Variants in CCDC175 observed in about 807,000 individuals in gnomAD.
CCDC175 encodes the protein coiled-coil domain containing 175, also known as coiled-coil domain-containing protein 175.
Under a neutral mutation model 114.6 loss-of-function variants are expected in CCDC175, and 100 were observed. The ratio of observed to expected loss-of-function variants is 0.87; its 90% CI spans 0.74 to 1.03. The LOEUF (loss-of-function observed/expected upper bound fraction) is 1.03. Among genes scored for constraint, CCDC175 ranks in the 50% least tolerant of loss-of-function variants. The pLI is 0.00. For missense variants in CCDC175, 880 were observed against 917.8 expected (o/e 0.96, Z 0.53); for synonymous variants, 306 against 308.7 (o/e 0.99, Z 0.09).
chr14:59,571,618 G>A (rs1896854958), intron 3 of CCDC175, among the ~76,000 whole-genome samples: 1 of 152,166 alleles, frequency 6.6e-6, no homozygotes. Flanking sequence ...AAAAAATCTG[G>A]AAAATAACAA....
In CCDC175 at chr14:59,508,423, C is replaced by CACACACACACACACACACACACACAT. The variant is rs1244962098; in HGVS notation, c.2305+2222_2305+2223insATGTGTGTGTGTGTGTGTGTGTGTGT. 5.5e-4 allele frequency among the ~76,000 whole-genome samples: 83 copies of CACACACACACACACACACACACACAT among 150,554 alleles called. 3 individuals carry two copies. The South Asian group carries it at 9.7e-3, about 18-fold the overall frequency. On this transcript the variant is annotated intron_variant, in intron 19 of 19. Coordinates refer to ENST00000537690, the MANE Select transcript of CCDC175 (RefSeq NM_001164399.2). ...ATACACACACACACACACACACACACACACACACACACACTGCAGCCAGGC... is the reference window on the plus strand; with the variant it reads ...ATACACACACACACACACACACACACACACACACACACACACACACACACATACACACACACACACTGCAGCCAGGC...
In CCDC175 at chr14:59,551,438, T is replaced by C; in HGVS notation, c.954-2A>G. ...TCTTTGTTATCTGTGAAAAAACACCTATGAACAAAGGAAGCCAAACAGATT... is the reference window on the plus strand; with the variant it reads ...TCTTTGTTATCTGTGAAAAAACACCCATGAACAAAGGAAGCCAAACAGATT... On this transcript the variant is annotated splice_acceptor_variant, in intron 7 of 19. Coordinates refer to ENST00000537690, the MANE Select transcript of CCDC175 (RefSeq NM_001164399.2). LOFTEE classifies it high-confidence loss of function. 1 of 1,403,024 alleles carries C rather than the reference T, an allele frequency of 7.1e-7. No individual in the cohort carries two copies. The highest frequency in any genetic ancestry group is 9.5e-7 in the Non-Finnish European group (1 of 1,055,962). The allele number at this position is 1,403,024 out of a possible 1,614,324, so 86.9% of individuals were successfully genotyped here.
At chr14:59,531,377 T>C (rs1210440226) in intron 14 of CCDC175, among the ~76,000 whole-genome samples, 1 of 152,076 alleles carries the variant, frequency 6.6e-6, no homozygotes, top group Admixed American at 6.6e-5. Flanking sequence ...GAGGAGTGCT[T>C]ACTCAATAAA....
chr14:59,568,321 T>C lies in CCDC175; in HGVS notation c.415A>G (p.Ile139Val), dbSNP rs1896669838. ...LFEINTIKMR[I>V]TRTENEIELL... ...TCTATTTCATTCTCTGTCCTTGTAA[T>C]TCTCATTTTTATTGTATTTATCTCA... The change falls in exon 4 of 20, where the codon ATT becomes GTT. Residue 139 changes from isoleucine (I) to valine (V), a missense_variant. Ile to Val is a conservative substitution (Grantham distance 29, BLOSUM62 3). Transcript: ENST00000537690. 4 of 1,533,330 alleles carry C rather than the reference T, an allele frequency of 2.6e-6. No homozygotes were observed. The highest frequency in any genetic ancestry group is 2.0e-5 in the Admixed American group (1 of 50,248). The allele number at this position is 1,533,330 out of a possible 1,614,324, so 95.0% of individuals were successfully genotyped here.
intron 11 of CCDC175, among the ~76,000 whole-genome samples, chr14:59,539,546 C>T (rs553816332): frequency 2.0e-5 from 3 of 150,138 alleles, no homozygotes; most frequent in East Asian, 2.0e-4. Flanking sequence ...TGCCATTGCA[C>T]TCTATCCTGG....
chr14:59,568,502 T>C (rs2140123604), intron 3 of CCDC175, 122 bp from the exon 4 acceptor site: 1 of 759,796 alleles, frequency 1.3e-6, no homozygotes, highest in South Asian at 2.1e-5. Flanking sequence ...ATCAAGCATT[T>C]CTTACTCCCT....
intron 3 of CCDC175, among the ~76,000 whole-genome samples, chr14:59,570,400 A>T (rs1394206024): frequency 6.6e-6 from 1 of 152,136 alleles, no homozygotes; most frequent in Non-Finnish European, 1.5e-5. Context: ...CTTATCACAA[A>T]GTAGAGGCAA....
At chr14:59,555,624 G>T in intron 7 of CCDC175, among the ~76,000 whole-genome samples, 1 of 152,124 alleles carries the variant, frequency 6.6e-6, no homozygotes, top group African/African-American at 2.4e-5. Context: ...GGGCAATCAG[G>T]CAGGAGAAAG....
chr14:59,551,459 A>G (rs568338915), intron 7 of CCDC175, 23 bp from the exon 8 acceptor site: 4 of 1,224,610 alleles, frequency 3.3e-6, no homozygotes, highest in African/African-American at 3.1e-5. Context: ...GAAGCCAAAC[A>G]GATTCATATA....
chr14:59,546,593 A>G (rs1214612886), intron 8 of CCDC175, among the ~76,000 whole-genome samples: 1 of 152,148 alleles, frequency 6.6e-6, no homozygotes, highest in African/African-American at 2.4e-5. Flanking sequence ...CATAGAAGAA[A>G]CCACTTGAAA....
intron 19 of CCDC175, 102 bp from the exon 20 acceptor site, chr14:59,505,417 A>AT: frequency 1.1e-5 from 6 of 529,168 alleles, no homozygotes; most frequent in Non-Finnish European, 1.6e-5. Flanking sequence ...AGAATCCTCA[A>AT]TTGAGTAATT....
At chr14:59,551,150 C>T (rs1895449080) in intron 8 of CCDC175, 4 of 356,684 alleles carry the variant, frequency 1.1e-5, no homozygotes, top group Non-Finnish European at 2.0e-5. Flanking sequence ...AAAAACAGTT[C>T]CTCTGTACAT....
chr14:59,547,397 A>C (rs560687807), intron 8 of CCDC175, among the ~76,000 whole-genome samples: 17 of 152,352 alleles, frequency 1.1e-4, no homozygotes, highest in African/African-American at 4.1e-4. Flanking sequence ...GGTCAAGAAT[A>C]GCTGGAACAC....
intron 11 of CCDC175, among the ~76,000 whole-genome samples, chr14:59,539,155 G>A (rs1894603802): frequency 6.6e-6 from 1 of 152,174 alleles, no homozygotes; most frequent in South Asian, 2.1e-4. Context: ...GGAAAATGAG[G>A]CCCAGGCAGA....
rs182932162 is a variant in CCDC175 at position 59,526,103 on chromosome 14, A to T, written c.1843-669T>A. Among the ~76,000 whole-genome samples, 1,151 of 152,174 alleles carry T rather than the reference A, an allele frequency of 7.6e-3. 14 individuals carry two copies. Among genetic ancestry groups the T allele is most frequent in the African/African-American group, 0.026 (1,089 of 41,500 alleles). On this transcript the variant is annotated intron_variant, in intron 15 of 19. Coordinates refer to ENST00000537690, the MANE Select transcript of CCDC175 (RefSeq NM_001164399.2). ...TCTTGAAGAAAGAAGAAGATTATGA[A>T]TTTTTTCAGAATTCTCTAATGTTTT... is the stretch of plus-strand genomic sequence containing the variant.
intron 1 of CCDC175, 49 bp from the exon 2 acceptor site, chr14:59,575,077 C>T (rs1282356426): frequency 9.7e-7 from 1 of 1,035,284 alleles, no homozygotes; most frequent in Admixed American, 2.7e-5. Flanking sequence ...CTATCCAAAT[C>T]CTACTTAACC....
chr14:59,569,604 A>G (rs1339541065), intron 3 of CCDC175, among the ~76,000 whole-genome samples: 1 of 152,236 alleles, frequency 6.6e-6, no homozygotes, highest in East Asian at 1.9e-4. Context: ...AACAAAGAAA[A>G]AGAAAAACAC....
chr14:59,516,054 C>T (rs1448629448), intron 17 of CCDC175, among the ~76,000 whole-genome samples: 2 of 152,170 alleles, frequency 1.3e-5, no homozygotes, highest in East Asian at 3.9e-4. Flanking sequence ...GAACAACCTG[C>T]TCCTGAATGA....
intron 14 of CCDC175, among the ~76,000 whole-genome samples, chr14:59,528,723 A>C (rs184227166): frequency 4.4e-4 from 66 of 151,528 alleles, no homozygotes; most frequent in Non-Finnish European, 6.9e-4. Flanking sequence ...ATAGTTTTTA[A>C]ATTTTCTTGC....
Sources: gnomAD v4.1 joint callset for allele counts (sites outside exome capture counted in the v4.1 genomes callset) on GRCh38, gnomAD v4.1.1 for gene constraint, MANE v1.5 for transcripts, NCBI Gene and HGNC (gene_info 2026-07-23, HGNC 2026-07-21) for gene names.